The following LDHC variants were observed in gnomAD, a reference collection of about 807,000 sequenced individuals.
LDHC encodes lactate dehydrogenase C, also known as L-lactate dehydrogenase C chain.
A neutral mutation model predicts 30.2 loss-of-function variants in LDHC; 20 were observed. The observed-to-expected ratio is 0.66, with a 90% CI of 0.47 to 0.96. The LOEUF is 0.96. Ranked by LOEUF, LDHC falls within the 40% of genes least tolerant of loss-of-function variation. The pLI is 0.00. For missense variants in LDHC, 362 were observed against 394.9 expected (o/e 0.92, Z 0.71); for synonymous variants, 139 against 132.7 (o/e 1.05, Z -0.32).
At chr11:18,421,061 T>C (rs1198060990) in intron 3 of LDHC, among the ~76,000 whole-genome samples, 1 of 152,138 alleles carries the variant, frequency 6.6e-6, no homozygotes, top group Admixed American at 6.6e-5. Flanking sequence ...TTTTATATTT[T>C]ATTTTTATTT....
At chr11:18,438,822 GA>G (rs1848405452) in intron 6 of LDHC, among the ~76,000 whole-genome samples, 177 bp downstream of exon 6, 1 of 152,008 alleles carries the variant, frequency 6.6e-6, no homozygotes, top group African/African-American at 2.4e-5. Flanking sequence ...TTTTCAAAAA[GA>G]AAAAGTACTT....
At chr11:18,424,900 C>G (rs1462071287) in intron 3 of LDHC, among the ~76,000 whole-genome samples, 1 of 152,002 alleles carries the variant, frequency 6.6e-6, no homozygotes, top group Non-Finnish European at 1.5e-5. Flanking sequence ...TCCAGCTACT[C>G]GGGAGGCTGA....
Position 18,423,665 on chromosome 11 carries a change from A to G in LDHC, c.245-6072A>G, listed in dbSNP as rs372384455. ...CCTTATGACCTGAAGGTAGGGACTG[A>G]TTTAAACACAAAGACACAAAAAGCA... is the stretch of plus-strand genomic sequence containing the variant. On this transcript the variant is annotated intron_variant, in intron 3 of 7. Transcript: ENST00000541669. Among the ~76,000 whole-genome samples, 4 of 152,320 alleles carry G rather than the reference A, an allele frequency of 2.6e-5. No homozygotes were observed. In the East Asian group the frequency reaches 7.7e-4, roughly 29 times the overall value.
intron 3 of LDHC, 110 bp from the exon 4 acceptor site, chr11:18,429,627 A>G: frequency 1.9e-6 from 1 of 524,200 alleles, no homozygotes; most frequent in Middle Eastern, 4.2e-4. Context: ...ACATAAAGGT[A>G]CATGGATACT....
At chr11:18,439,129 G>T (rs148145778) in intron 6 of LDHC, among the ~76,000 whole-genome samples, 2,030 of 152,270 alleles carry the variant, frequency 0.013, 48 homozygotes, top group African/African-American at 0.046. Context: ...GAAACATTAA[G>T]CTAATGCAGA....
At chr11:18,439,821 A>AC (rs939531762) in intron 6 of LDHC, among the ~76,000 whole-genome samples, 7 of 143,288 alleles carry the variant, frequency 4.9e-5, no homozygotes, top group African/African-American at 1.3e-4. Flanking sequence ...TAAAAAAAAA[A>AC]AAAAAAAAAA....
At chr11:18,425,781 T>TA (rs1186982254) in intron 3 of LDHC, among the ~76,000 whole-genome samples, 27 of 149,360 alleles carry the variant, frequency 1.8e-4, no homozygotes, top group Admixed American at 7.3e-4. Flanking sequence ...CTACTAAAAA[T>TA]AAAAAAAAAT....
rs904701691 is a variant in LDHC, at chr11:18,422,353, G to A, written c.244+7052G>A. Among the ~76,000 whole-genome samples the A allele has an allele frequency of 6.6e-5, 10 of 151,816 alleles. No individual in the cohort carries two copies. In the East Asian group the frequency reaches 1.4e-3, roughly 21 times the overall value. On this transcript the variant is annotated intron_variant, in intron 3 of 7. Coordinates refer to ENST00000541669, the MANE Select transcript of LDHC (RefSeq NM_017448.5). Reference sequence around the variant, plus strand: ...GTGGATCACTTAAGGCCAGGAGTTTGAGATCAGCCTGGGCAACATGGTGAG... The same window carrying A: ...GTGGATCACTTAAGGCCAGGAGTTTAAGATCAGCCTGGGCAACATGGTGAG...
chr11:18,428,782 G>A (rs1848210215), intron 3 of LDHC, among the ~76,000 whole-genome samples: 1 of 151,856 alleles, frequency 6.6e-6, no homozygotes, highest in African/African-American at 2.4e-5. Context: ...GGCTGATGTG[G>A]GAGAATCTCT....
chr11:18,416,440 A>T (rs761191470), intron 3 of LDHC, among the ~76,000 whole-genome samples: 7 of 152,222 alleles, frequency 4.6e-5, no homozygotes, highest in Non-Finnish European at 8.8e-5. Flanking sequence ...ACTGTTTGGT[A>T]ATGTGATTCA....
intron 3 of LDHC, among the ~76,000 whole-genome samples, chr11:18,424,876 C>T: frequency 6.6e-6 from 1 of 152,028 alleles, no homozygotes; most frequent in Non-Finnish European, 1.5e-5. Context: ...GGTGTGGTGG[C>T]ACGTGCCTGT....
intron 6 of LDHC, among the ~76,000 whole-genome samples, chr11:18,444,604 GTATATATATATA>G (rs60764598): frequency 0.031 from 2,803 of 89,352 alleles, 109 homozygotes; most frequent in African/African-American, 0.074. Context: ...TGTTCAGGTG[GTATATATATATA>G]TATATATATA....
chr11:18,448,573 G>A (rs12801224), intron 7 of LDHC, among the ~76,000 whole-genome samples: 8,464 of 152,230 alleles, frequency 0.056, 342 homozygotes, highest in Non-Finnish European at 0.081. Context: ...GTGAGCCACC[G>A]CGCCCTGCTG....
rs1233035421 is a variant in LDHC at position 18,443,446 on chromosome 11, TC to T, written c.711-2763del. 2.5e-4 allele frequency among the ~76,000 whole-genome samples: 35 copies of T among 141,502 alleles called. 1 individual carries two copies. Among genetic ancestry groups the T allele is most frequent in the Admixed American group, 1.7e-3 (24 of 14,018 alleles). 92.8% of individuals were successfully genotyped at this position (141,502 alleles called of 152,430 possible). ...TGTACCACAGAGAATGGTAGTTCTTTCTTTTCTTTCTTTCTTTTTTTTTTTT... is the reference window on the plus strand; with the variant it reads ...TGTACCACAGAGAATGGTAGTTCTTTTTTTCTTTCTTTCTTTTTTTTTTTT... On this transcript the variant is annotated intron_variant, in intron 6 of 7. Transcript: ENST00000541669.
chr11:18,426,024 C>T (rs1848156397), intron 3 of LDHC, among the ~76,000 whole-genome samples: 1 of 109,010 alleles, frequency 9.2e-6, no homozygotes, highest in Admixed American at 9.7e-5. Context: ...CGTTGATTAG[C>T]CACAATTTTT....
chr11:18,415,995 G>A (rs1284395849), intron 3 of LDHC, among the ~76,000 whole-genome samples: 3 of 152,108 alleles, frequency 2.0e-5, no homozygotes, highest in Middle Eastern at 3.4e-3. Flanking sequence ...GTGCCCAGCC[G>A]GGCCATATAA....
At position 18,450,989 on chromosome 11, in the gene LDHC, C is replaced by G. The variant is rs1848646424; in HGVS notation, c.861C>G (p.Leu287=). The part of the protein sequence containing the change: ...VKGLYGIKEE[L]FLSIPCVLGR... Reference sequence around the variant, plus strand: ...GATTATATGGAATAAAAGAAGAACTCTTTCTCAGTATCCCTTGTGTCTTGG... The same window carrying G: ...GATTATATGGAATAAAAGAAGAACTGTTTCTCAGTATCCCTTGTGTCTTGG... The change falls in exon 8 of 8, where the codon CTC becomes CTG. Residue 287 remains leucine (L), a synonymous_variant. Transcript: ENST00000541669. The G allele has an allele frequency of 6.3e-7, 1 of 1,590,122 alleles. No individual in the cohort carries two copies. The highest frequency in any genetic ancestry group is 2.3e-5 in the East Asian group (1 of 44,134).
intron 3 of LDHC, among the ~76,000 whole-genome samples, chr11:18,416,566 A>G (rs1021728096): frequency 1.3e-5 from 2 of 152,184 alleles, no homozygotes; most frequent in Admixed American, 1.3e-4. Flanking sequence ...ATATCGACCT[A>G]AAACATACAC....
At chr11:18,436,708 A>G (rs903804573) in intron 5 of LDHC, among the ~76,000 whole-genome samples, 4 of 150,386 alleles carry the variant, frequency 2.7e-5, no homozygotes, top group Admixed American at 2.7e-4. Flanking sequence ...CTGGTCTCGA[A>G]CTCTTGACGT....
Sources: allele counts gnomAD v4.1 joint callset (sites outside exome capture counted in the v4.1 genomes callset), GRCh38; gene constraint gnomAD v4.1.1; transcripts MANE v1.5; gene names NCBI Gene and HGNC (gene_info 2026-07-23, HGNC 2026-07-21).